The following DNAJC5B variants were observed in gnomAD, a reference collection of about 807,000 sequenced individuals.
DNAJC5B encodes dnaJ homolog subfamily C member 5B.
Under a neutral mutation model 24.7 loss-of-function variants are expected in DNAJC5B, and 23 were observed. That is an observed-to-expected ratio of 0.93 (90% CI 0.67 to 1.32). The LOEUF is 1.32. Among genes scored for constraint, DNAJC5B ranks in the 40% most tolerant of loss-of-function variants. The pLI is 0.00. For missense variants in DNAJC5B, 238 were observed against 240.8 expected, an observed-to-expected ratio of 0.99 and a Z score of 0.08; for synonymous variants, 101 against 90.1, an observed-to-expected ratio of 1.12 and a Z score of -0.68.
intron 3 of DNAJC5B, among the ~76,000 whole-genome samples, chr8:66,071,201 T>G (rs933507503): frequency 6.6e-6 from 1 of 151,944 alleles, no homozygotes; most frequent in Admixed American, 6.6e-5. Flanking sequence ...AATTAACAAA[T>G]GGATCTAATT....
intron 1 of DNAJC5B, among the ~76,000 whole-genome samples, chr8:66,026,667 G>T (rs1159856748): frequency 6.6e-6 from 1 of 152,228 alleles, no homozygotes; most frequent in African/African-American, 2.4e-5. Flanking sequence ...GTAACCTGAG[G>T]CCTGTGAAGT....
chr8:66,018,853 C>CA (rs1292565682), upstream of DNAJC5B, among the ~76,000 whole-genome samples: 6 of 152,224 alleles, frequency 3.9e-5, no homozygotes, highest in African/African-American at 1.4e-4. Context: ...TTTCCCCCCA[C>CA]AAAATCCTCC....
intron 2 of DNAJC5B, among the ~76,000 whole-genome samples, chr8:66,044,262 A>G (rs1465881410): frequency 1.3e-5 from 2 of 152,186 alleles, no homozygotes; most frequent in Non-Finnish European, 2.9e-5. Flanking sequence ...ACAAATTTCT[A>G]TGAAGGAATC....
chr8:66,016,019 G>A, the DNAJC5B span, among the ~76,000 whole-genome samples: 6 of 152,200 alleles, frequency 3.9e-5, no homozygotes, highest in African/African-American at 1.4e-4. Context: ...TATATAACAG[G>A]ATTTTGTTTC....
At chr8:66,072,055 G>A (rs970085407) in intron 3 of DNAJC5B, among the ~76,000 whole-genome samples, 6 of 149,928 alleles carry the variant, frequency 4.0e-5, no homozygotes, top group Non-Finnish European at 8.9e-5. Context: ...GTCAGGGGGT[G>A]GGGGGGTAGG....
upstream of DNAJC5B, among the ~76,000 whole-genome samples, chr8:66,017,650 C>A (rs545623732): frequency 6.6e-6 from 1 of 152,192 alleles, no homozygotes; most frequent in Non-Finnish European, 1.5e-5. Flanking sequence ...ATATGCCTTA[C>A]CTATTTTGTA....
intron 5 of DNAJC5B, 130 bp downstream of exon 5, chr8:66,080,678 G>C: frequency 1.3e-6 from 1 of 741,098 alleles, no homozygotes; most frequent in Non-Finnish European, 2.1e-6. Context: ...TTCACAGACT[G>C]TCAGCTTTGG....
intron 3 of DNAJC5B, among the ~76,000 whole-genome samples, chr8:66,069,555 A>G (rs1807299845): frequency 6.6e-6 from 1 of 152,224 alleles, no homozygotes; most frequent in Admixed American, 6.5e-5. Context: ...TCTGAAATTG[A>G]GGCAGTAATT....
At position 66,035,070 on chromosome 8, in the gene DNAJC5B, G is replaced by C. The variant is rs563452914; in HGVS notation, c.-141-8418G>C. Among the ~76,000 whole-genome samples, 5 of 152,322 alleles carry C rather than the reference G, an allele frequency of 3.3e-5. No individual in the cohort carries two copies. The South Asian group carries it at 1.0e-3, about 32-fold the overall frequency. On this transcript the variant is annotated intron_variant, in intron 1 of 5. Transcript: ENST00000276570. ...GGGCATGGTTAGTATCAATGAAAGA[G>C]AGCCACACATTGCTGAATTTTCAGG... is the stretch of plus-strand genomic sequence containing the variant.
At position 66,076,857 on chromosome 8, in the gene DNAJC5B, C is replaced by G; in HGVS notation, c.317C>G (p.Ser106Trp). The G allele has an allele frequency of 6.2e-7, 1 of 1,614,088 alleles. No homozygotes were observed. Among genetic ancestry groups the G allele is most frequent in the Non-Finnish European group, 8.5e-7 (1 of 1,179,994 alleles). The change falls in exon 4 of 6, where the codon TCG (serine) becomes TGG (tryptophan). Residue 106 changes from serine to tryptophan, a missense_variant. Coordinates refer to ENST00000276570, the MANE Select transcript of DNAJC5B (RefSeq NM_033105.6). ...DENVNTYFMLSSWWAKALFVI... is the reference protein window; with the variant it reads ...DENVNTYFMLWSWWAKALFVI... The stretch of plus-strand genomic sequence containing the variant: ...AACGTTAACACCTACTTCATGCTGT[C>G]GAGCTGGTGGGCAAAGGTGAAACTG...
At chr8:66,096,557 A>AGT (rs764439593) in intron 5 of DNAJC5B, among the ~76,000 whole-genome samples, 2 of 152,128 alleles carry the variant, frequency 1.3e-5, no homozygotes, top group Non-Finnish European at 2.9e-5. Flanking sequence ...TTATGTTATT[A>AGT]GTATATATAA....
At chr8:66,063,306 AC>A (rs1807123261) in intron 3 of DNAJC5B, among the ~76,000 whole-genome samples, 2 of 152,192 alleles carry the variant, frequency 1.3e-5, no homozygotes, top group Admixed American at 1.3e-4. Context: ...ATCTGTGGCA[AC>A]CCCAATCTGT....
At chr8:66,058,625 T>C (rs1311391079) in intron 3 of DNAJC5B, among the ~76,000 whole-genome samples, 11 of 152,256 alleles carry the variant, frequency 7.2e-5, no homozygotes, top group Non-Finnish European at 5.9e-5. Flanking sequence ...TTCATTCTTT[T>C]ACAGAATTAA....
At chr8:66,077,538 G>T (rs143302935) in intron 4 of DNAJC5B, among the ~76,000 whole-genome samples, 1 of 152,146 alleles carries the variant, frequency 6.6e-6, no homozygotes, top group East Asian at 1.9e-4. Flanking sequence ...TTTGGTGATG[G>T]TTTTTATTTG....
chr8:66,052,215 C>T (rs1806865302), intron 3 of DNAJC5B, among the ~76,000 whole-genome samples: 1 of 151,718 alleles, frequency 6.6e-6, no homozygotes, highest in Non-Finnish European at 1.5e-5. Context: ...ACCTCGGCCT[C>T]CCAAAGTGCT....
intron 2 of DNAJC5B, among the ~76,000 whole-genome samples, chr8:66,044,343 T>C (rs1453061713): frequency 6.6e-6 from 1 of 152,220 alleles, no homozygotes; most frequent in African/African-American, 2.4e-5. Flanking sequence ...GTGTTTGCTG[T>C]GTTTAATGAT....
rs145227962 is a variant in DNAJC5B, at chr8:66,042,040, C to T, written c.-141-1448C>T. ...TTTGTTCAGGGAAGCTTTCTCTAAT[C>T]TTCCTCTGTTCACTGATTTTACGTT... On this transcript the variant is annotated intron_variant, in intron 1 of 5. Coordinates refer to ENST00000276570, the MANE Select transcript of DNAJC5B (RefSeq NM_033105.6). Among the ~76,000 whole-genome samples, 66 of 152,260 alleles carry T rather than the reference C, an allele frequency of 4.3e-4. 1 individual carries two copies. The East Asian group carries it at 9.6e-3, about 22-fold the overall frequency.
Position 66,080,406 on chromosome 8 carries a change from G to T in DNAJC5B, c.363G>T (p.Thr121=). 6.2e-7 allele frequency: 1 copy of T among 1,613,690 alleles called. No individual in the cohort carries two copies. Among genetic ancestry groups the T allele is most frequent in the Non-Finnish European group, 8.5e-7 (1 of 1,179,898 alleles). Residue 121 remains threonine, a synonymous_variant, in exon 5 of 6, where the codon ACG becomes ACT. Transcript: ENST00000276570. ...KALFVIVGLL[T]GCYFCCCLCC... ...TGTTTGTCATCGTTGGCCTCTTGAC[G>T]GGCTGCTACTTTTGCTGCTGCCTGT...
chr8:66,054,776 T>C (rs981691323), intron 3 of DNAJC5B, among the ~76,000 whole-genome samples: 1 of 152,194 alleles, frequency 6.6e-6, no homozygotes. Flanking sequence ...GCCCTAGACC[T>C]ATCCAGAGGC....
Sources: gnomAD v4.1 joint callset for allele counts (sites outside exome capture counted in the v4.1 genomes callset) on GRCh38, gnomAD v4.1.1 for gene constraint, MANE v1.5 for transcripts, NCBI Gene and HGNC (gene_info 2026-07-23, HGNC 2026-07-21) for gene names.